Variants in LAMA2 observed in about 807,000 individuals in gnomAD.
LAMA2 encodes the protein laminin subunit alpha 2, also known as laminin subunit alpha-2.
Under a neutral mutation model 364.8 loss-of-function variants are expected in LAMA2, and 269 were observed. The ratio of observed to expected loss-of-function variants is 0.74; its 90% CI spans 0.67 to 0.82. The LOEUF is 0.82. Among genes scored for constraint, LAMA2 ranks in the 40% least tolerant of loss-of-function variants. The pLI is 0.00. For synonymous variants in LAMA2, 1,379 were observed against 1,370.6 expected (o/e 1.01, Z -0.14); for missense variants, 3,807 against 3,873.2 (o/e 0.98, Z 0.45).
intron 1 of LAMA2, among the ~76,000 whole-genome samples, chr6:128,902,120 C>G (rs1351493101): frequency 6.6e-6 from 1 of 152,220 alleles, no homozygotes; most frequent in Non-Finnish European, 1.5e-5. Context: ...CATGAGACTA[C>G]TCACTATCCT....
chr6:129,074,256 G>T (rs1462057229), intron 3 of LAMA2, among the ~76,000 whole-genome samples: 1 of 152,182 alleles, frequency 6.6e-6, no homozygotes, highest in Non-Finnish European at 1.5e-5. Context: ...TTATCTTCTG[G>T]CTCCTTCACC....
chr6:128,911,831 A>G (rs1777986421), intron 1 of LAMA2, among the ~76,000 whole-genome samples: 1 of 152,180 alleles, frequency 6.6e-6, no homozygotes, highest in Non-Finnish European at 1.5e-5. Context: ...CTTCTTCCAC[A>G]GCCCTGAAAC....
intron 35 of LAMA2, among the ~76,000 whole-genome samples, chr6:129,391,266 C>G (rs772200388): frequency 6.6e-6 from 1 of 152,066 alleles, no homozygotes; most frequent in Non-Finnish European, 1.5e-5. Context: ...AAACACCATG[C>G]TTTAATTGCT....
At chr6:129,340,276 A>C (rs1358592610) in intron 29 of LAMA2, among the ~76,000 whole-genome samples, 1 of 152,186 alleles carries the variant, frequency 6.6e-6, no homozygotes, top group Non-Finnish European at 1.5e-5. Context: ...GAAATTGTCA[A>C]GCAATTTGAG....
chr6:129,415,094 C>T (rs566565660), intron 40 of LAMA2, among the ~76,000 whole-genome samples: 135 of 152,298 alleles, frequency 8.9e-4, no homozygotes, highest in Non-Finnish European at 1.7e-3. Flanking sequence ...ATAGACTCTG[C>T]ACTCTTTAAG....
chr6:129,389,549 A>T (rs1353355239), intron 35 of LAMA2, among the ~76,000 whole-genome samples: 4 of 152,168 alleles, frequency 2.6e-5, no homozygotes, highest in Admixed American at 6.5e-5. Flanking sequence ...AAGGCTCTGT[A>T]TTAATCTCTT....
At chr6:129,468,762 A>T (rs1056425579) in intron 51 of LAMA2, among the ~76,000 whole-genome samples, 4 of 151,956 alleles carry the variant, frequency 2.6e-5, no homozygotes, top group Non-Finnish European at 5.9e-5. Flanking sequence ...GGACACATTT[A>T]TTAAATACCA....
At chr6:129,171,562 T>C (rs1365158008) in intron 9 of LAMA2, among the ~76,000 whole-genome samples, 1 of 151,870 alleles carries the variant, frequency 6.6e-6, no homozygotes, top group East Asian at 1.9e-4. Flanking sequence ...TCTGATGGGC[T>C]TCCCTTTGAG....
intron 1 of LAMA2, among the ~76,000 whole-genome samples, chr6:129,016,439 C>G (rs569961833): frequency 6.6e-6 from 1 of 151,950 alleles, no homozygotes; most frequent in African/African-American, 2.4e-5. Flanking sequence ...CAAATGACAT[C>G]GCTATTGGCA....
rs1369873527 is a variant in LAMA2 at position 129,337,495 on chromosome 6, A to G, written c.4312-4848A>G. ...CTTGGATCACTCACTGAAAATTAGA[A>G]TGCATCAAATTTTTATTCACCGTAA... On this transcript the variant is annotated intron_variant, in intron 29 of 64. Transcript: ENST00000421865. Among the ~76,000 whole-genome samples, 15 of 152,274 alleles carry G rather than the reference A, an allele frequency of 9.9e-5. No homozygotes were observed. In the South Asian group the frequency reaches 2.7e-3, roughly 27 times the overall value.
chr6:128,929,258 A>G (rs781729180), intron 1 of LAMA2: 50 of 1,414,886 alleles, frequency 3.5e-5, no homozygotes, highest in African/African-American at 8.4e-5. Context: ...GAGACCGTCA[A>G]TGGCTAAGTT....
chr6:129,158,377 G>T lies in LAMA2; in HGVS notation c.1206+3694G>T, dbSNP rs3734387. On this transcript the variant is annotated intron_variant, in intron 8 of 64. Transcript: ENST00000421865. ...CTTTCGCCATGCCATTTGCCCATCC[G>T]TACTTCTCCATATCGGCCTTTACCA... 1.3e-3 allele frequency: 2,131 copies of T among 1,613,596 alleles called. 8 individuals are homozygous for T. The highest frequency in any genetic ancestry group is 8.1e-3 in the Middle Eastern group (49 of 6,048).
chr6:129,460,201 A>G lies in LAMA2; in HGVS notation c.6869A>G (p.Lys2290Arg), dbSNP rs781402843. ...FVGGLTGKLK[K>R]ADAVRVITFT... ...AAATAACGGTATTTCTTTCTGCAGAAGGCTGATGCTGTACGTGTGATTACA... is the reference window on the plus strand; with the variant it reads ...AAATAACGGTATTTCTTTCTGCAGAGGGCTGATGCTGTACGTGTGATTACA... Residue 2290 changes from lysine to arginine, a missense_variant and splice_region_variant, in exon 49 of 65, where the codon AAG becomes AGG. Physicochemically the swap from Lys to Arg is conservative, Grantham distance 26. Around this residue, in one of 3 missense-constraint regions of LAMA2, gnomAD observed 3,333 missense variants for 3,345.7 expected, o/e 1.00. Coordinates refer to ENST00000421865, the MANE Select transcript of LAMA2 (RefSeq NM_000426.4). The G allele has an allele frequency of 2.5e-6, 4 of 1,612,010 alleles. No individual in the cohort carries two copies. The highest frequency in any genetic ancestry group is 2.5e-6 in the Non-Finnish European group (3 of 1,178,492).
chr6:129,224,770 A>G (rs556930929), intron 12 of LAMA2, among the ~76,000 whole-genome samples: 1 of 152,274 alleles, frequency 6.6e-6, no homozygotes, highest in Admixed American at 6.5e-5. Flanking sequence ...ATTGATGTTC[A>G]TCAGGGATAT....
intron 61 of LAMA2, 58 bp downstream of exon 61, chr6:129,505,413 TA>T: frequency 7.0e-7 from 1 of 1,421,036 alleles, no homozygotes. Context: ...TTTATTGATA[TA>T]TTTTGACTTA....
intron 3 of LAMA2, among the ~76,000 whole-genome samples, chr6:129,086,637 T>C (rs1320232189): frequency 6.6e-6 from 1 of 152,262 alleles, no homozygotes; most frequent in Non-Finnish European, 1.5e-5. Flanking sequence ...AAACTGGATC[T>C]ATGAAGTTGC....
chr6:129,444,459 T>A (rs1231839740), intron 44 of LAMA2, among the ~76,000 whole-genome samples: 2 of 152,192 alleles, frequency 1.3e-5, no homozygotes, highest in Non-Finnish European at 2.9e-5. Flanking sequence ...GTTTATGCTA[T>A]CTGTATGATG....
chr6:128,932,382 T>C (rs1163630780), intron 1 of LAMA2, among the ~76,000 whole-genome samples: 1 of 152,214 alleles, frequency 6.6e-6, no homozygotes. Flanking sequence ...ACTGAAAGCT[T>C]ACTGATACCC....
At chr6:129,287,489 C>T (rs1562418851) in intron 18 of LAMA2, among the ~76,000 whole-genome samples, 1 of 152,092 alleles carries the variant, frequency 6.6e-6, no homozygotes, top group Non-Finnish European at 1.5e-5. Context: ...GAGAAAATAA[C>T]CAATTGGAGT....
Sources: gnomAD v4.1 joint callset for allele counts (sites outside exome capture counted in the v4.1 genomes callset) on GRCh38, gnomAD v4.1.1 for gene constraint, gnomAD v4.1.1 regional missense constraint, MANE v1.5 for transcripts, NCBI Gene and HGNC (gene_info 2026-07-23, HGNC 2026-07-21) for gene names.